HDAC9: variants seen among roughly 807,000 people sequenced by gnomAD.
The protein encoded by HDAC9 is histone deacetylase 9.
HDAC9 carries 41 observed loss-of-function variants against 139.4 expected under a neutral mutation model. The observed-to-expected ratio is 0.29, with a 90% CI of 0.23 to 0.38. The LOEUF (loss-of-function observed/expected upper bound fraction) is 0.38. HDAC9 is among the 10% of genes least tolerant of loss of function. The pLI is 1.00. For synonymous variants in HDAC9, 517 were observed against 476.2 expected (o/e 1.09, Z -1.12); for missense variants, 1,147 against 1,297.0 (o/e 0.88, Z 1.78).
rs200348455 is a variant in HDAC9, at chr7:18,525,826, CTTTGAGAAA to C, written c.22+29505_22+29513del. Among the ~76,000 whole-genome samples the C allele has an allele frequency of 5.8e-3, 889 of 152,252 alleles. 10 individuals are homozygous for C. Among genetic ancestry groups the C allele is most frequent in the African/African-American group, 0.02 (843 of 41,536 alleles). Reference sequence around the variant, plus strand: ...ATCCTTTGGCCTTGGTTCTACCTGACTTTGAGAAATTACAATCCCTAGTTTTTGTACATG... The same window carrying C: ...ATCCTTTGGCCTTGGTTCTACCTGACTTACAATCCCTAGTTTTTGTACATG... On this transcript the variant is annotated intron_variant, in intron 2 of 25. Transcript: ENST00000686413.
At chr7:18,359,547 C>T (rs1209387966) in intron 1 of HDAC9, among the ~76,000 whole-genome samples, 1 of 152,094 alleles carries the variant, frequency 6.6e-6, no homozygotes, top group African/African-American at 2.4e-5. Context: ...GTACAATGAA[C>T]TTGCATGTAA....
At chr7:18,837,682 A>G (rs1272455520) in intron 21 of HDAC9, among the ~76,000 whole-genome samples, 1 of 152,112 alleles carries the variant, frequency 6.6e-6, no homozygotes, top group Non-Finnish European at 1.5e-5. Flanking sequence ...ATGCACAGCA[A>G]TGAAAGGCAA....
chr7:18,667,292 T>C, intron 12 of HDAC9: 1 of 985,076 alleles, frequency 1.0e-6, no homozygotes, highest in Non-Finnish European at 1.2e-6. Flanking sequence ...GATACAATAT[T>C]GTGTCTACAA....
intron 1 of HDAC9, among the ~76,000 whole-genome samples, chr7:18,315,140 T>C (rs972553560): frequency 2.0e-5 from 3 of 152,238 alleles, no homozygotes; most frequent in Admixed American, 2.0e-4. Flanking sequence ...CTTTTCTTTT[T>C]ATAAGACTAA....
chr7:18,180,951 C>CT (rs1476791224), intron 2 of HDAC9, among the ~76,000 whole-genome samples: 2 of 152,154 alleles, frequency 1.3e-5, no homozygotes, highest in African/African-American at 4.8e-5. Flanking sequence ...TCACTCCAGT[C>CT]TTTGCCTTTG....
intron 1 of HDAC9, among the ~76,000 whole-genome samples, chr7:18,464,756 T>A (rs1794128825): frequency 6.6e-6 from 1 of 152,046 alleles, no homozygotes; most frequent in African/African-American, 2.4e-5. Flanking sequence ...TTTATTTCTG[T>A]GTTATAACAC....
intron 12 of HDAC9, among the ~76,000 whole-genome samples, chr7:18,726,192 A>G (rs73683149): frequency 0.015 from 2,265 of 152,348 alleles, 54 homozygotes; most frequent in African/African-American, 0.046. Flanking sequence ...GTAAAACCAC[A>G]TAATACGCAA....
Position 18,644,785 on chromosome 7 carries a change from C to G in HDAC9, c.1027C>G (p.Gln343Glu). The G allele has an allele frequency of 2.5e-6, 4 of 1,611,014 alleles. No individual in the cohort carries two copies. The highest frequency in any genetic ancestry group is 3.4e-6 in the Non-Finnish European group (4 of 1,178,454). The change falls in exon 9 of 26, where the codon CAG becomes GAG. Residue 343 changes from glutamine (Q) to glutamate (E), a missense_variant. This residue lies in a region of HDAC9 where 264 missense variants were observed against 273.8 expected (regional missense o/e 0.96). Coordinates refer to ENST00000686413, the MANE Select transcript of HDAC9 (RefSeq NM_178425.4). ...ITLGLPAVPS[Q>E]LNASNSLKEK... Reference sequence around the variant, plus strand: ...CTTGGGGCTTCCCGCAGTGCCATCCCAGCTCAATGTAAGTCATTGCACAGC... The same window carrying G: ...CTTGGGGCTTCCCGCAGTGCCATCCGAGCTCAATGTAAGTCATTGCACAGC...
At chr7:18,369,460 C>T (rs1784429128) in intron 1 of HDAC9, among the ~76,000 whole-genome samples, 1 of 151,654 alleles carries the variant, frequency 6.6e-6, no homozygotes, top group Admixed American at 6.6e-5. Flanking sequence ...GTTTCTTTAC[C>T]TTTTCTTTTT....
At chr7:18,626,113 G>A (rs1205104207) in intron 6 of HDAC9, among the ~76,000 whole-genome samples, 2 of 152,066 alleles carry the variant, frequency 1.3e-5, no homozygotes, top group Non-Finnish European at 2.9e-5. Flanking sequence ...GGGGTACCCA[G>A]AAAATAGCAA....
chr7:18,219,900 C>T (rs920754964), intron 2 of HDAC9, among the ~76,000 whole-genome samples: 7 of 152,226 alleles, frequency 4.6e-5, no homozygotes, highest in African/African-American at 1.2e-4. Context: ...TGGAATAAGG[C>T]GCTTATTTTA....
chr7:18,179,415 T>C (rs1274375453), intron 2 of HDAC9, among the ~76,000 whole-genome samples: 1 of 152,214 alleles, frequency 6.6e-6, no homozygotes. Flanking sequence ...ATGTTAAGGT[T>C]TGACTGTTTA....
In HDAC9 at chr7:18,721,903, C is replaced by G. The variant is rs370489927; in HGVS notation, c.1732-5677C>G. Among the ~76,000 whole-genome samples the G allele has an allele frequency of 3.9e-5, 6 of 152,070 alleles. No homozygotes were observed. The East Asian group carries it at 7.7e-4, about 20-fold the overall frequency. The stretch of plus-strand genomic sequence containing the variant: ...AACATTATGCTTGTCATACAAAGAC[C>G]TTCTAGAACTATCCCTACCCACTTT... On this transcript the variant is annotated intron_variant, in intron 12 of 25. Transcript: ENST00000686413.
chr7:18,533,069 A>G lies in HDAC9; in HGVS notation c.22+36745A>G, dbSNP rs150709226. Among the ~76,000 whole-genome samples the G allele has an allele frequency of 1.2e-3, 179 of 152,312 alleles. 4 individuals carry two copies. In the East Asian group the frequency reaches 0.031, roughly 26 times the overall value. Reference sequence around the variant, plus strand: ...TATTTATATGACTAGTCAAATGTTTACTGCTGAACCAAGTCATGTATTATA... The same window carrying G: ...TATTTATATGACTAGTCAAATGTTTGCTGCTGAACCAAGTCATGTATTATA... On this transcript the variant is annotated intron_variant, in intron 2 of 25. Transcript: ENST00000686413.
intron 1 of HDAC9, among the ~76,000 whole-genome samples, chr7:18,342,792 C>G (rs1782113580): frequency 6.6e-6 from 1 of 151,804 alleles, no homozygotes; most frequent in Non-Finnish European, 1.5e-5. Context: ...TAAATGCTGT[C>G]TGTCCACTTA....
intron 1 of HDAC9, among the ~76,000 whole-genome samples, chr7:18,448,722 A>T (rs1351555958): frequency 3.9e-5 from 6 of 152,180 alleles, no homozygotes; most frequent in Non-Finnish European, 8.8e-5. Flanking sequence ...AAATGGTACA[A>T]ATTAATTTGC....
At chr7:18,655,241 T>C (rs1233090335) in intron 11 of HDAC9, among the ~76,000 whole-genome samples, 6 of 152,158 alleles carry the variant, frequency 3.9e-5, no homozygotes, top group African/African-American at 1.2e-4. Context: ...CTTGTTTCCA[T>C]GCAGGGTCTT....
intron 12 of HDAC9, among the ~76,000 whole-genome samples, chr7:18,694,648 C>T (rs914930482): frequency 6.6e-6 from 1 of 152,032 alleles, no homozygotes; most frequent in African/African-American, 2.4e-5. Context: ...CTCGCAAATC[C>T]CTTTCGTGGA....
chr7:18,163,504 G>T (rs1445106313), intron 2 of HDAC9, among the ~76,000 whole-genome samples: 1 of 152,076 alleles, frequency 6.6e-6, no homozygotes, highest in Admixed American at 6.5e-5. Context: ...GTCTAGAGTG[G>T]GGCACAGGAA....
Sources: gnomAD v4.1 joint callset for allele counts (sites outside exome capture counted in the v4.1 genomes callset) on GRCh38, gnomAD v4.1.1 for gene constraint, gnomAD v4.1.1 regional missense constraint, MANE v1.5 for transcripts, NCBI Gene and HGNC (gene_info 2026-07-23, HGNC 2026-07-21) for gene names.